Variants in STON1 observed in about 807,000 individuals in gnomAD.
STON1 encodes stonin 1.
STON1 carries 79 observed loss-of-function variants against 60.9 expected under a neutral mutation model. That is an observed-to-expected ratio of 1.30 (90% CI 1.08 to 1.56). The LOEUF is 1.56. Among genes scored for constraint, STON1 ranks in the 40% most tolerant of loss-of-function variants. The pLI, the probability that STON1 is intolerant of heterozygous loss-of-function variation, is 0.00. For synonymous variants in STON1, 363 were observed against 306.9 expected (o/e 1.18, Z -1.91); for missense variants, 1,166 against 858.9 (o/e 1.36, Z -4.47).
intron 1 of STON1, among the ~76,000 whole-genome samples, chr2:48,569,680 A>T (rs751443434): frequency 3.3e-5 from 5 of 152,182 alleles, no homozygotes; most frequent in Non-Finnish European, 5.9e-5. Flanking sequence ...TTTATCTTCA[A>T]ATTCCTTTTT....
intron 2 of STON1, among the ~76,000 whole-genome samples, chr2:48,583,616 G>T (rs1002547149): frequency 5.6e-5 from 8 of 142,836 alleles, no homozygotes; most frequent in Non-Finnish European, 1.1e-4. Flanking sequence ...AGGGTTGTTG[G>T]TTTTTTTTTT....
chr2:48,576,940 G>A (rs1400691171), intron 1 of STON1, among the ~76,000 whole-genome samples: 1 of 151,946 alleles, frequency 6.6e-6, no homozygotes, highest in Non-Finnish European at 1.5e-5. Context: ...TGTAGTCCCA[G>A]CTACTTGGGA....
In STON1 at chr2:48,551,039, T is replaced by A. The variant is rs549781440; in HGVS notation, c.-48+20823T>A. 7.9e-3 allele frequency among the ~76,000 whole-genome samples: 1,180 copies of A among 148,584 alleles called. 7 individuals carry two copies. Among genetic ancestry groups the A allele is most frequent in the Non-Finnish European group, 0.011 (742 of 66,176 alleles). On this transcript the variant is annotated intron_variant, in intron 1 of 3. Coordinates refer to ENST00000404752, the MANE Select transcript of STON1 (RefSeq NM_006873.4). ...TGTATTTATTATTATTATTATTATT[T>A]TTTCAACTTTTAGATCATTTTAGAT...
chr2:48,554,546 A>C (rs1312559265), intron 1 of STON1, among the ~76,000 whole-genome samples: 1 of 152,082 alleles, frequency 6.6e-6, no homozygotes, highest in Non-Finnish European at 1.5e-5. Context: ...AATTGGACTC[A>C]GAGTTGGGAG....
chr2:48,593,942 C>G (rs1674664270), intron 3 of STON1, among the ~76,000 whole-genome samples: 1 of 152,194 alleles, frequency 6.6e-6, no homozygotes, highest in Non-Finnish European at 1.5e-5. Context: ...CTGAAGATAG[C>G]TGCCTTTCCT....
chr2:48,545,561 G>T (rs529059763), intron 1 of STON1, among the ~76,000 whole-genome samples: 2 of 152,246 alleles, frequency 1.3e-5, no homozygotes, highest in African/African-American at 4.8e-5. Flanking sequence ...CTTTGGAGAC[G>T]GAGACACAGA....
At chr2:48,587,119 C>G (rs1328124270) in intron 2 of STON1, among the ~76,000 whole-genome samples, 2 of 152,138 alleles carry the variant, frequency 1.3e-5, no homozygotes, top group South Asian at 2.1e-4. Flanking sequence ...GGCCCCATCC[C>G]CTACTAATCG....
At position 48,544,069 on chromosome 2, in the gene STON1, C is replaced by G. The variant is rs915712610; in HGVS notation, c.-48+13853C>G. On this transcript the variant is annotated intron_variant, in intron 1 of 3. Transcript: ENST00000404752. ...TGCCTGTTTCACAACAGTCATTTAT[C>G]TGGGCCCTGTGGAATCTGTATTTGG... Among the ~76,000 whole-genome samples, 3 of 152,288 alleles carry G rather than the reference C, an allele frequency of 2.0e-5. No individual in the cohort carries two copies. The East Asian group carries it at 5.8e-4, about 29-fold the overall frequency.
intron 1 of STON1, among the ~76,000 whole-genome samples, chr2:48,560,833 C>G (rs1231171905): frequency 2.6e-5 from 4 of 152,170 alleles, no homozygotes; most frequent in Non-Finnish European, 4.4e-5. Context: ...TCCCTTGCTT[C>G]CAGACTGGCA....
At chr2:48,560,951 G>A (rs1183907556) in intron 1 of STON1, among the ~76,000 whole-genome samples, 1 of 152,176 alleles carries the variant, frequency 6.6e-6, no homozygotes, top group South Asian at 2.1e-4. Flanking sequence ...GGGCCCATGA[G>A]GGAACTTTTC....
At position 48,580,933 on chromosome 2, in the gene STON1, TG is replaced by T; in HGVS notation, c.301del (p.Val101CysfsTer49). 1 of 1,600,086 alleles carries T rather than the reference TG, an allele frequency of 6.2e-7. No homozygotes were observed. Among genetic ancestry groups the T allele is most frequent in the Non-Finnish European group, 8.5e-7 (1 of 1,174,538 alleles). The part of the protein sequence containing the change: ...FPGIPKAGTH[V>X]LYPIPESSSD... The stretch of plus-strand genomic sequence containing the variant: ...CTGGCATCCCCAAAGCAGGGACTCA[TG>T]TGCTTTATCCTATTCCAGAATCATC... On this transcript the variant is annotated frameshift_variant, in exon 2 of 4. Transcript: ENST00000404752. LOFTEE classifies it high-confidence loss of function.
At chr2:48,585,759 T>C (rs916216185) in intron 2 of STON1, among the ~76,000 whole-genome samples, 2 of 152,224 alleles carry the variant, frequency 1.3e-5, no homozygotes, top group Non-Finnish European at 2.9e-5. Flanking sequence ...AGGCAGAAAG[T>C]CAGGCAGGCT....
At chr2:48,543,757 C>T (rs1671752909) in intron 1 of STON1, among the ~76,000 whole-genome samples, 1 of 152,114 alleles carries the variant, frequency 6.6e-6, no homozygotes, top group Non-Finnish European at 1.5e-5. Flanking sequence ...GTTTTGAACT[C>T]CTAGCCTCAG....
intron 1 of STON1, among the ~76,000 whole-genome samples, chr2:48,565,313 A>C (rs1672893697): frequency 6.6e-6 from 1 of 152,030 alleles, no homozygotes; most frequent in Admixed American, 6.6e-5. Flanking sequence ...CGGCCTCCCA[A>C]AGTGCCAGGA....
chr2:48,571,563 C>T (rs1558617229), intron 1 of STON1, among the ~76,000 whole-genome samples: 1 of 152,158 alleles, frequency 6.6e-6, no homozygotes, highest in Non-Finnish European at 1.5e-5. Flanking sequence ...TCTTGGATTC[C>T]AGGGTCTCAA....
intron 1 of STON1, among the ~76,000 whole-genome samples, chr2:48,532,565 A>G (rs890242691): frequency 6.6e-6 from 1 of 152,172 alleles, no homozygotes; most frequent in Admixed American, 6.5e-5. Context: ...AGAATTTTTA[A>G]TAGTGCATTT....
Position 48,580,641 on chromosome 2 carries a change from C to T in STON1, c.8C>T (p.Ser3Phe), listed in dbSNP as rs375683286. Residue 3 changes from serine (S) to phenylalanine (F), a missense_variant, in exon 2 of 4, where the codon TCC (serine) becomes TTC (phenylalanine). By Grantham distance (155) the Ser-to-Phe change is radical. Coordinates refer to ENST00000404752, the MANE Select transcript of STON1 (RefSeq NM_006873.4). MC[S>F]TNPGKWVTFD... is the part of the protein sequence containing the mutation. ...CACAATCTGATCCCAAAGATGTGCT[C>T]CACAAATCCAGGCAAATGGGTCACC... 1.5e-6 allele frequency: 2 copies of T among 1,367,586 alleles called. No homozygotes were observed. Among genetic ancestry groups the T allele is most frequent in the Admixed American group, 2.9e-5 (1 of 33,964 alleles). The allele number at this position is 1,367,586 out of a possible 1,614,324, so 84.7% of individuals were successfully genotyped here. A position where few individuals can be genotyped will look rare whatever the true frequency, so the allele number is the denominator to read the frequency against.
chr2:48,595,230 T>C lies in STON1; in HGVS notation c.2136T>C (p.Val712=). The C allele has an allele frequency of 2.9e-5, 46 of 1,613,560 alleles. No homozygotes were observed. The highest frequency in any genetic ancestry group is 3.8e-5 in the Non-Finnish European group (45 of 1,179,544). ...TGTGTTTTGCTTTTGCATAACAGGT[T>C]GAAATAGAAAAGAAGTGGATTAAAA... ...VQQRACYNIQ[V]EIEKKWIKID... Residue 712 remains valine (V), a splice_region_variant and synonymous_variant, in exon 4 of 4, where the codon GTT becomes GTC. Coordinates refer to ENST00000404752, the MANE Select transcript of STON1 (RefSeq NM_006873.4).
intron 1 of STON1, among the ~76,000 whole-genome samples, chr2:48,534,194 A>G (rs1671335567): frequency 1.3e-5 from 2 of 152,178 alleles, no homozygotes; most frequent in African/African-American, 4.8e-5. Flanking sequence ...GCTGTTTTTA[A>G]ATTTTCTTTG....
Sources: allele counts gnomAD v4.1 joint callset (sites outside exome capture counted in the v4.1 genomes callset), GRCh38; gene constraint gnomAD v4.1.1; transcripts MANE v1.5; gene names NCBI Gene and HGNC (gene_info 2026-07-23, HGNC 2026-07-21).